MATCAP2: variants seen among roughly 807,000 people sequenced by gnomAD.
The protein encoded by MATCAP2 is microtubule associated tyrosine carboxypeptidase 2, also known as putative tyrosine carboxypeptidase MATCAP2.
the MATCAP2 span, among the ~76,000 whole-genome samples, chr7:36,339,444 A>T: frequency 6.6e-6 from 1 of 152,198 alleles, no homozygotes; most frequent in Non-Finnish European, 1.5e-5. Context: ...CCAAATGCAG[A>T]TTTTTGGCCA....
the MATCAP2 span, chr7:36,334,918 C>T: frequency 4.9e-6 from 4 of 821,468 alleles, no homozygotes; most frequent in African/African-American, 3.5e-5. Flanking sequence ...CTCATGACTT[C>T]TTGCTAAATT....
the MATCAP2 span, among the ~76,000 whole-genome samples, chr7:36,344,127 C>A: frequency 6.6e-6 from 1 of 152,052 alleles, no homozygotes; most frequent in Non-Finnish European, 1.5e-5. Flanking sequence ...TCTAGAATAA[C>A]CTGCACTGAA....
At chr7:36,357,488 G>C in the MATCAP2 span, 1 of 1,613,814 alleles carries the variant, frequency 6.2e-7, no homozygotes. Context: ...TAGCACTCCC[G>C]AGGACAAATG....
At chr7:36,354,630 A>C in the MATCAP2 span, among the ~76,000 whole-genome samples, 3 of 152,208 alleles carry the variant, frequency 2.0e-5, no homozygotes, top group Non-Finnish European at 4.4e-5. Flanking sequence ...GTATGATATC[A>C]TGTCATTATT....
chr7:36,337,049 G>C, the MATCAP2 span, among the ~76,000 whole-genome samples: 1 of 122,640 alleles, frequency 8.2e-6, no homozygotes, highest in Non-Finnish European at 1.6e-5. Context: ...GGTGAGCCGA[G>C]ATCGCGCCAT....
the MATCAP2 span, among the ~76,000 whole-genome samples, chr7:36,388,756 T>C: frequency 6.6e-6 from 1 of 152,194 alleles, no homozygotes; most frequent in South Asian, 2.1e-4. Flanking sequence ...TTGGACCAGT[T>C]TCTTTAACGT....
At chr7:36,336,078 AAAAT>A in the MATCAP2 span, 2 of 1,135,070 alleles carry the variant, frequency 1.8e-6, no homozygotes, top group South Asian at 2.4e-5. Flanking sequence ...TTCAAAAAAT[AAAAT>A]AAATAAAATA....
the MATCAP2 span, among the ~76,000 whole-genome samples, chr7:36,382,299 C>CAAAAAAA: frequency 1.6e-5 from 1 of 62,934 alleles, no homozygotes; most frequent in Non-Finnish European, 2.9e-5. Context: ...GCGTCTGTCT[C>CAAAAAAA]AAAAAAAAAA....
At chr7:36,386,078 C>G in the MATCAP2 span, among the ~76,000 whole-genome samples, 21 of 151,790 alleles carry the variant, frequency 1.4e-4, no homozygotes, top group African/African-American at 5.1e-4. Flanking sequence ...TCGCTTGAAC[C>G]CGGGAGGCAG....
the MATCAP2 span, among the ~76,000 whole-genome samples, chr7:36,344,329 A>G: frequency 2.0e-5 from 3 of 152,238 alleles, no homozygotes; most frequent in Admixed American, 2.0e-4. Flanking sequence ...ACTGAAACTG[A>G]TGCTGACATA....
At chr7:36,382,350 A>G in the MATCAP2 span, among the ~76,000 whole-genome samples, 1 of 150,322 alleles carries the variant, frequency 6.7e-6, no homozygotes, top group Non-Finnish European at 1.5e-5. Context: ...GTCTGTTTGC[A>G]TGGGAGGAAA....
chr7:36,389,933 T>A, the MATCAP2 span: 2 of 1,608,824 alleles, frequency 1.2e-6, no homozygotes, highest in Admixed American at 1.7e-5. Context: ...AGACTCCTGG[T>A]TTTTTCCAGG....
chr7:36,366,739 C>A, the MATCAP2 span: 1 of 1,535,426 alleles, frequency 6.5e-7, no homozygotes, highest in African/African-American at 1.4e-5. Context: ...GGGCCGATTT[C>A]TCTCTTCCCT....
chr7:36,334,900 A>C, the MATCAP2 span: 1 of 676,880 alleles, frequency 1.5e-6, no homozygotes, highest in Middle Eastern at 3.1e-4. Context: ...GCTTCAGTCC[A>C]AGTGAAGCTC....
chr7:36,375,591 T>C, the MATCAP2 span, among the ~76,000 whole-genome samples: 11 of 152,344 alleles, frequency 7.2e-5, no homozygotes, highest in East Asian at 2.1e-3. Flanking sequence ...ATCAGGATGA[T>C]GCTGGCCTCA....
chr7:36,328,710 A>G, the MATCAP2 span, among the ~76,000 whole-genome samples: 1 of 151,726 alleles, frequency 6.6e-6, no homozygotes, highest in African/African-American at 2.4e-5. Context: ...ACGCCACTGC[A>G]CTCCAGCCTG....
At chr7:36,390,086 C>G in the MATCAP2 span, 1 of 1,612,680 alleles carries the variant, frequency 6.2e-7, no homozygotes, top group Non-Finnish European at 8.5e-7. Flanking sequence ...ACCCACCGCT[C>G]TAGGCCCCCA....
chr7:36,343,665 G>C, the MATCAP2 span, among the ~76,000 whole-genome samples: 2 of 148,822 alleles, frequency 1.3e-5, no homozygotes, highest in African/African-American at 5.0e-5. Context: ...AGGAAGGAAA[G>C]AAAGTAAAGG....
At chr7:36,378,489 C>G in the MATCAP2 span, among the ~76,000 whole-genome samples, 1 of 152,222 alleles carries the variant, frequency 6.6e-6, no homozygotes, top group Non-Finnish European at 1.5e-5. Flanking sequence ...GAGGGGCACC[C>G]AGCTGTATGA....
Sources: allele counts gnomAD v4.1 joint callset (sites outside exome capture counted in the v4.1 genomes callset), GRCh38; gene constraint gnomAD v4.1.1; transcripts MANE v1.5; gene names NCBI Gene and HGNC (gene_info 2026-07-23, HGNC 2026-07-21).